The following ARAP2 variants were observed in gnomAD, a reference collection of about 807,000 sequenced individuals.
ARAP2 encodes the protein ArfGAP with RhoGAP domain, ankyrin repeat and PH domain 2, also known as arf-GAP with Rho-GAP domain, ANK repeat and PH domain-containing protein 2.
ARAP2 carries 148 observed loss-of-function variants against 194.5 expected under a neutral mutation model. The observed-to-expected ratio is 0.76, with a 90% CI of 0.67 to 0.87. ARAP2 has a LOEUF of 0.87. ARAP2 is among the 40% of genes least tolerant of loss of function. The pLI is 0.00. For missense variants in ARAP2, 2,128 were observed against 1,989.7 expected (o/e 1.07, Z -1.32); for synonymous variants, 695 against 683.5 (o/e 1.02, Z -0.26).
chr4:36,165,029 T>C lies in ARAP2; in HGVS notation c.2058A>G (p.Glu686=). 1.2e-6 allele frequency: 2 copies of C among 1,614,134 alleles called. No individual in the cohort carries two copies. The highest frequency in any genetic ancestry group is 2.2e-5 in the East Asian group (1 of 44,876). The change falls in exon 11 of 33, where the codon GAA becomes GAG. Residue 686 remains glutamate, a synonymous_variant. Transcript: ENST00000303965. ...QSIAETLSDY[E]VAEKIWFNES... ...CATTGAACCAAATCTTCTCAGCTAC[T>C]TCATAATCAGAGAGAGTTTCTGCTA...
At chr4:36,210,340 T>C (rs1369827323) in intron 6 of ARAP2, 50 bp downstream of exon 6, 4 of 1,505,720 alleles carry the variant, frequency 2.7e-6, no homozygotes, top group Admixed American at 2.2e-5. Context: ...ATGAATAAAC[T>C]TGAAATTTTA....
At chr4:36,160,992 C>T (rs956534697) in intron 12 of ARAP2, among the ~76,000 whole-genome samples, 2 of 152,094 alleles carry the variant, frequency 1.3e-5, no homozygotes, top group African/African-American at 4.8e-5. Flanking sequence ...GGTGGTGGAA[C>T]AAGGAGCCAA....
intron 5 of ARAP2, among the ~76,000 whole-genome samples, chr4:36,031,631 TTTC>T (rs1168642674): frequency 1.3e-5 from 2 of 151,988 alleles, no homozygotes; most frequent in Non-Finnish European, 2.9e-5. Context: ...AAGAAAAATG[TTTC>T]TTTAGTTTGT....
intron 7 of ARAP2, among the ~76,000 whole-genome samples, chr4:36,187,968 G>T (rs1028737684): frequency 2.6e-5 from 4 of 152,156 alleles, no homozygotes; most frequent in Admixed American, 2.6e-4. Context: ...ATTTTGAAAC[G>T]AGTTTGTTAC....
At position 36,194,761 on chromosome 4, in the gene ARAP2, C is replaced by T. The variant is rs143355845; in HGVS notation, c.1488-1114G>A. 5.6e-4 allele frequency among the ~76,000 whole-genome samples: 85 copies of T among 152,190 alleles called. 2 individuals carry two copies. In the East Asian group the frequency reaches 0.016, roughly 29 times the overall value. On this transcript the variant is annotated intron_variant, in intron 6 of 32. Transcript: ENST00000303965. Reference sequence around the variant, plus strand: ...AAAAAATTTTTGAGATTCTTTACTGCAGACAACATTTTCACATATAAGCAT... The same window carrying T: ...AAAAAATTTTTGAGATTCTTTACTGTAGACAACATTTTCACATATAAGCAT...
chr4:36,195,584 A>C (rs1742887206), intron 6 of ARAP2, among the ~76,000 whole-genome samples: 1 of 152,244 alleles, frequency 6.6e-6, no homozygotes, highest in Non-Finnish European at 1.5e-5. Flanking sequence ...CTAGAGCTCA[A>C]TTACATATAT....
At chr4:36,057,552 G>T (rs1688914352) in intron 2 of ARAP2, among the ~76,000 whole-genome samples, 2 of 151,334 alleles carry the variant, frequency 1.3e-5, no homozygotes, top group South Asian at 4.2e-4. Flanking sequence ...TTTTTTCTGT[G>T]TGTTCATTTT....
chr4:36,152,720 G>A (rs1450405757), intron 15 of ARAP2, among the ~76,000 whole-genome samples: 2 of 151,750 alleles, frequency 1.3e-5, no homozygotes, highest in South Asian at 2.1e-4. Context: ...AATCCCTTAC[G>A]ATTTAGGAGC....
chr4:36,022,367 G>C (rs1037571315), intron 5 of ARAP2, among the ~76,000 whole-genome samples: 1 of 152,100 alleles, frequency 6.6e-6, no homozygotes, highest in African/African-American at 2.4e-5. Context: ...AAAACTAAGA[G>C]ATGAAGATGT....
At chr4:36,117,888 T>C (rs1307184214) in intron 24 of ARAP2, among the ~76,000 whole-genome samples, 3 of 151,500 alleles carry the variant, frequency 2.0e-5, no homozygotes, top group East Asian at 1.9e-4. Context: ...GTATAGAAGG[T>C]TAACAAAGAA....
intron 7 of ARAP2, 28 bp downstream of exon 7, chr4:36,193,550 A>AT: frequency 6.6e-7 from 1 of 1,522,644 alleles, no homozygotes. Flanking sequence ...TAAAAAAGCA[A>AT]TTTTTGAAAA....
At chr4:36,045,708 C>A (rs939448728) in intron 5 of ARAP2, among the ~76,000 whole-genome samples, 1 of 152,042 alleles carries the variant, frequency 6.6e-6, no homozygotes, top group African/African-American at 2.4e-5. Flanking sequence ...AATGTTCTCA[C>A]CACAAGGAAT....
chr4:36,095,768 C>A (rs1342753328), intron 27 of ARAP2, among the ~76,000 whole-genome samples: 1 of 152,000 alleles, frequency 6.6e-6, no homozygotes, highest in Non-Finnish European at 1.5e-5. Flanking sequence ...CCCTGAAATC[C>A]AGATACATAT....
intron 5 of ARAP2, among the ~76,000 whole-genome samples, chr4:36,034,667 G>A (rs1237226149): frequency 6.6e-6 from 1 of 151,926 alleles, no homozygotes; most frequent in Non-Finnish European, 1.5e-5. Flanking sequence ...TAGGAGTGGT[G>A]TTTGGTTCTC....
intron 17 of ARAP2, 46 bp downstream of exon 17, chr4:36,148,359 T>C: frequency 6.9e-7 from 1 of 1,449,700 alleles, no homozygotes; most frequent in Non-Finnish European, 9.6e-7. Flanking sequence ...GACTCCCAGT[T>C]CACAATCTTC....
At chr4:36,193,453 G>T (rs1742397633) in intron 7 of ARAP2, 125 bp downstream of exon 7, 2 of 530,868 alleles carry the variant, frequency 3.8e-6, no homozygotes, top group Non-Finnish European at 6.6e-6. Context: ...ATATTTATTA[G>T]TTGCAACTTC....
chr4:36,237,355 A>C (rs557960429), intron 1 of ARAP2, among the ~76,000 whole-genome samples: 39 of 152,304 alleles, frequency 2.6e-4, no homozygotes, highest in African/African-American at 9.4e-4. Flanking sequence ...CTAGAAGTCC[A>C]CCTGATATGG....
chr4:36,150,580 T>C (rs1730722911), intron 16 of ARAP2, among the ~76,000 whole-genome samples: 1 of 151,662 alleles, frequency 6.6e-6, no homozygotes, highest in African/African-American at 2.4e-5. Context: ...AGGCGGAGGT[T>C]GCAGTGAGCC....
At chr4:36,010,231 T>A (rs1212600780) in intron 9 of ARAP2, among the ~76,000 whole-genome samples, 1 of 151,350 alleles carries the variant, frequency 6.6e-6, no homozygotes, top group East Asian at 1.9e-4. Flanking sequence ...ATATGATATA[T>A]AACTGATATA....
Sources: gnomAD v4.1 joint callset for allele counts (sites outside exome capture counted in the v4.1 genomes callset) on GRCh38, gnomAD v4.1.1 for gene constraint, MANE v1.5 for transcripts, NCBI Gene and HGNC (gene_info 2026-07-23, HGNC 2026-07-21) for gene names.